ZNF831: variants seen among roughly 807,000 people sequenced by gnomAD.
ZNF831 encodes chromosome 20 open reading frame 174.
A neutral mutation model predicts 95.8 loss-of-function variants in ZNF831; 59 were observed. That is an observed-to-expected ratio of 0.62 (90% confidence interval 0.50 to 0.77). ZNF831 has a LOEUF of 0.77. ZNF831 is among the 30% of genes least tolerant of loss of function. The probability of loss-of-function intolerance (pLI) is 0.00; values close to 1 mark genes in which losing one functional copy is unlikely to be tolerated. For missense variants in ZNF831, 2,205 were observed against 2,164.0 expected (o/e 1.02, Z -0.38); for synonymous variants, 961 against 925.5 (o/e 1.04, Z -0.70).
rs565906382 is a variant in ZNF831 at position 59,150,695 on chromosome 20, G to A, written c.-1281+4321G>A. Among the ~76,000 whole-genome samples the A allele has an allele frequency of 4.5e-4, 68 of 152,246 alleles. 1 individual carries two copies. The highest frequency in any genetic ancestry group is 1.4e-3 in the African/African-American group (60 of 41,552). On this transcript the variant is annotated intron_variant, in intron 2 of 7. Transcript: ENST00000637017. ...CCCACTATGCTGTGGCCAGTACTCCGCGCCAGCACACGCTGTCATTTTGTG... is the reference window on the plus strand; with the variant it reads ...CCCACTATGCTGTGGCCAGTACTCCACGCCAGCACACGCTGTCATTTTGTG...
At chr20:59,137,654 T>C (rs978478304) in intron 1 of ZNF831, among the ~76,000 whole-genome samples, 2 of 152,252 alleles carry the variant, frequency 1.3e-5, no homozygotes, top group African/African-American at 4.8e-5. Flanking sequence ...CTTTGGTTTA[T>C]GGCAGTATCA....
At position 59,191,763 on chromosome 20, in the gene ZNF831, G is replaced by A. The variant is rs1193364335; in HGVS notation, c.744G>A (p.Pro248=). 6.2e-7 allele frequency: 1 copy of A among 1,609,200 alleles called. No homozygotes were observed. Among genetic ancestry groups the A allele is most frequent in the Non-Finnish European group, 8.5e-7 (1 of 1,177,772 alleles). Residue 248 remains proline, a synonymous_variant, in exon 2 of 6, where the codon CCG becomes CCA. Coordinates refer to ENST00000371030, the MANE Select transcript of ZNF831 (RefSeq NM_178457.3). The part of the protein sequence containing the change: ...HEGASERPLS[P]GAHVPLLAKN... ...GCGCCTCGGAGAGACCCCTTTCTCC[G>A]GGTGCCCACGTGCCCCTACTTGCCA...
At chr20:59,231,244 G>A (rs1020139552) in intron 4 of ZNF831, among the ~76,000 whole-genome samples, 13 of 152,220 alleles carry the variant, frequency 8.5e-5, no homozygotes, top group Non-Finnish European at 1.3e-4. Context: ...ATGTACTGTA[G>A]CTGGAAAATA....
In ZNF831 at chr20:59,191,288, T is replaced by C. The variant is rs1412745012; in HGVS notation, c.269T>C (p.Ile90Thr). ...CTAGATGGGGGCAACGTGCCCTTCATACTCAGCCCTGTGCTGCAGCCTGAA... is the reference window on the plus strand; with the variant it reads ...CTAGATGGGGGCAACGTGCCCTTCACACTCAGCCCTGTGCTGCAGCCTGAA... ...GSLDGGNVPF[I>T]LSPVLQPEGP... Residue 90 changes from isoleucine (I) to threonine (T), a missense_variant, in exon 2 of 6, where the codon ATA (isoleucine) becomes ACA (threonine). By Grantham distance (89) the Ile-to-Thr change is moderately conservative (BLOSUM62 -1). Transcript: ENST00000371030. The C allele has an allele frequency of 1.9e-6, 3 of 1,578,370 alleles. No homozygotes were observed. The South Asian group carries it at 3.4e-5, about 18-fold the overall frequency.
At chr20:59,237,409 C>T (rs142387992) in intron 4 of ZNF831, among the ~76,000 whole-genome samples, 3,565 of 152,206 alleles carry the variant, frequency 0.023, 71 homozygotes, top group Middle Eastern at 0.044. Context: ...TGCAGTGGCG[C>T]GATCTCAGCT....
At chr20:59,178,267 A>G (rs1440146169) in intron 1 of ZNF831, among the ~76,000 whole-genome samples, 1 of 152,260 alleles carries the variant, frequency 6.6e-6, no homozygotes, top group African/African-American at 2.4e-5. Context: ...GTTGAATTCA[A>G]GTGAATTAAA....
At chr20:59,152,977 A>G (rs1234473417) in intron 2 of ZNF831, among the ~76,000 whole-genome samples, 1 of 152,202 alleles carries the variant, frequency 6.6e-6, no homozygotes, top group Non-Finnish European at 1.5e-5. Flanking sequence ...TGTTTAAAAA[A>G]GATCCCTCTG....
chr20:59,252,582 C>T (rs1315844935), intron 4 of ZNF831, among the ~76,000 whole-genome samples: 3 of 152,172 alleles, frequency 2.0e-5, no homozygotes, highest in East Asian at 3.8e-4. Flanking sequence ...TTTCTGGGTT[C>T]CCACCATGCA....
Position 59,194,158 on chromosome 20 carries a change from G to C in ZNF831, c.3139G>C (p.Ala1047Pro), listed in dbSNP as rs748038835. 6.3e-7 allele frequency: 1 copy of C among 1,579,012 alleles called. No homozygotes were observed. The highest frequency in any genetic ancestry group is 2.2e-5 in the East Asian group (1 of 44,556). Residue 1047 changes from alanine to proline, a missense_variant, in exon 2 of 6, where the codon GCT becomes CCT. Transcript: ENST00000371030. ...GGAGTTGCCCATCTCAGCACCAGGG[G>C]CTCCCAGGGAGGCTACCTCCTCCCC... is the stretch of plus-strand genomic sequence containing the variant. ...ARELPISAPGAPREATSSPPT... is the reference protein window; with the variant it reads ...ARELPISAPGPPREATSSPPT...
At chr20:59,236,325 AG>A (rs1427929262) in intron 4 of ZNF831, among the ~76,000 whole-genome samples, 1 of 152,120 alleles carries the variant, frequency 6.6e-6, no homozygotes, top group African/African-American at 2.4e-5. Flanking sequence ...CTCCTCTCCC[AG>A]GTACAGAGGA....
At chr20:59,130,636 C>T (rs555101395) in intron 1 of ZNF831, among the ~76,000 whole-genome samples, 10 of 152,252 alleles carry the variant, frequency 6.6e-5, no homozygotes, top group South Asian at 2.1e-4. Flanking sequence ...TGTCTGGTGG[C>T]GCTTGATGGT....
At chr20:59,172,927 T>C (rs1460856106) in intron 1 of ZNF831, among the ~76,000 whole-genome samples, 2 of 152,232 alleles carry the variant, frequency 1.3e-5, no homozygotes, top group African/African-American at 4.8e-5. Context: ...TGGGTCATAG[T>C]GAGCACCTGT....
Position 59,193,690 on chromosome 20 carries a change from T to G in ZNF831, c.2671T>G (p.Ser891Ala), listed in dbSNP as rs1320196605. The change falls in exon 2 of 6, where the codon TCT becomes GCT. Residue 891 changes from serine to alanine, a missense_variant. By Grantham distance (99) the Ser-to-Ala change is moderately conservative. Coordinates refer to ENST00000371030, the MANE Select transcript of ZNF831 (RefSeq NM_178457.3). Reference protein sequence around the residue: ...ESSGASLAAASVALKRVGPRD... With the variant: ...ESSGASLAAAAVALKRVGPRD... Reference sequence around the variant, plus strand: ...CTCTGGAGCCTCCTTGGCTGCTGCTTCTGTTGCCCTGAAGAGGGTGGGGCC... The same window carrying G: ...CTCTGGAGCCTCCTTGGCTGCTGCTGCTGTTGCCCTGAAGAGGGTGGGGCC... 1 of 1,612,860 alleles carries G rather than the reference T, an allele frequency of 6.2e-7. No homozygotes were observed.
intron 2 of ZNF831, among the ~76,000 whole-genome samples, chr20:59,151,771 A>T (rs1249601478): frequency 6.6e-6 from 1 of 152,228 alleles, no homozygotes; most frequent in South Asian, 2.1e-4. Context: ...TGCCTCAAAT[A>T]CTGGTGCCGG....
intron 2 of ZNF831, among the ~76,000 whole-genome samples, chr20:59,149,445 T>C (rs1185438942): frequency 6.6e-6 from 1 of 152,254 alleles, no homozygotes; most frequent in East Asian, 1.9e-4. Flanking sequence ...CAATACCATT[T>C]TATGGAGGAA....
chr20:59,149,546 A>G (rs2146454299), intron 2 of ZNF831, among the ~76,000 whole-genome samples: 1 of 152,376 alleles, frequency 6.6e-6, no homozygotes, highest in South Asian at 2.1e-4. Context: ...ATATCTATTG[A>G]TCTTACTATA....
Position 59,194,133 on chromosome 20 carries a change from G to A in ZNF831, c.3114G>A (p.Arg1038=), listed in dbSNP as rs867956061. 5.1e-6 allele frequency: 8 copies of A among 1,563,724 alleles called. No homozygotes were observed. Among genetic ancestry groups the A allele is most frequent in the Non-Finnish European group, 6.9e-6 (8 of 1,154,120 alleles). Reference sequence around the variant, plus strand: ...TGGCCACTAGCAGGCCAGCAGCCAGGGAGTTGCCCATCTCAGCACCAGGGG... The same window carrying A: ...TGGCCACTAGCAGGCCAGCAGCCAGAGAGTTGCCCATCTCAGCACCAGGGG... ...DRMATSRPAA[R]ELPISAPGAP... is the part of the protein sequence containing the mutation. Residue 1038 remains arginine, a synonymous_variant, in exon 2 of 6, where the codon AGG becomes AGA. Coordinates refer to ENST00000371030, the MANE Select transcript of ZNF831 (RefSeq NM_178457.3).
chr20:59,188,572 G>A (rs1416458099), intron 1 of ZNF831, among the ~76,000 whole-genome samples: 4 of 152,030 alleles, frequency 2.6e-5, no homozygotes, highest in African/African-American at 7.2e-5. Flanking sequence ...CATGAGAATC[G>A]CTTGAACACG....
At chr20:59,190,878 G>A (rs1192422583) in intron 1 of ZNF831, 106 bp from the exon 2 acceptor site, 2 of 1,005,430 alleles carry the variant, frequency 2.0e-6, no homozygotes, top group African/African-American at 1.7e-5. Context: ...TTAGGGGATT[G>A]TCAGGCTTCC....
Sources: gnomAD v4.1 joint callset for allele counts (sites outside exome capture counted in the v4.1 genomes callset) on GRCh38, gnomAD v4.1.1 for gene constraint, MANE v1.5 for transcripts, NCBI Gene and HGNC (gene_info 2026-07-23, HGNC 2026-07-21) for gene names.